Variants in GALNTL6 observed in about 807,000 individuals in gnomAD.
The protein encoded by GALNTL6 is polypeptide N-acetylgalactosaminyltransferase-like 6.
Under a neutral mutation model 73.7 loss-of-function variants are expected in GALNTL6, and 46 were observed. The ratio of observed to expected loss-of-function variants is 0.62; its 90% CI spans 0.49 to 0.80. The LOEUF (loss-of-function observed/expected upper bound fraction) is 0.80, where lower values mean the gene tolerates loss of function less well. Ranked by LOEUF, GALNTL6 falls within the 30% of genes least tolerant of loss-of-function variation. The probability of loss-of-function intolerance (pLI) is 0.00; values close to 1 mark genes in which losing one functional copy is unlikely to be tolerated. For missense variants in GALNTL6, 604 were observed against 755.0 expected, an observed-to-expected ratio of 0.80 and a Z score of 2.34; for synonymous variants, 259 against 263.7, an observed-to-expected ratio of 0.98 and a Z score of 0.17.
intron 8 of GALNTL6, among the ~76,000 whole-genome samples, chr4:172,912,944 C>T (rs1448205668): frequency 6.6e-6 from 1 of 152,180 alleles, no homozygotes; most frequent in Non-Finnish European, 1.5e-5. Flanking sequence ...CCCTGAGTAG[C>T]CTAACTGGGA....
At chr4:171,985,145 G>A (rs1355605345) in intron 2 of GALNTL6, among the ~76,000 whole-genome samples, 3 of 151,976 alleles carry the variant, frequency 2.0e-5, no homozygotes, top group South Asian at 2.1e-4. Flanking sequence ...TGTATTGAGT[G>A]TACTCATCTG....
chr4:172,380,006 C>T (rs1743220678), intron 5 of GALNTL6: 5 of 899,966 alleles, frequency 5.6e-6, no homozygotes, highest in Admixed American at 3.7e-5. Flanking sequence ...AGAAGTGATG[C>T]ATACTTGATG....
chr4:171,826,555 G>A (rs1734829549), intron 2 of GALNTL6, among the ~76,000 whole-genome samples: 1 of 151,958 alleles, frequency 6.6e-6, no homozygotes, highest in Admixed American at 6.6e-5. Context: ...CTGACTTTCC[G>A]TTTCTACCCA....
At chr4:172,872,957 C>T (rs1427003043) in intron 7 of GALNTL6, among the ~76,000 whole-genome samples, 1 of 152,232 alleles carries the variant, frequency 6.6e-6, no homozygotes, top group Non-Finnish European at 1.5e-5. Flanking sequence ...TAACGGGGCT[C>T]TGTGCTCTGG....
chr4:172,431,607 A>G (rs1050647056), intron 5 of GALNTL6, among the ~76,000 whole-genome samples: 3 of 152,152 alleles, frequency 2.0e-5, no homozygotes, highest in South Asian at 2.1e-4. Flanking sequence ...TTAATTGACT[A>G]ATGTTTAGAA....
intron 2 of GALNTL6, among the ~76,000 whole-genome samples, chr4:171,903,268 GC>G (rs778362331): frequency 2.6e-5 from 4 of 152,064 alleles, no homozygotes; most frequent in Non-Finnish European, 5.9e-5. Flanking sequence ...GACAGTGGGC[GC>G]AGGTCAGTGG....
chr4:171,870,767 G>T (rs995475158), intron 2 of GALNTL6, among the ~76,000 whole-genome samples: 3 of 152,282 alleles, frequency 2.0e-5, no homozygotes, highest in Middle Eastern at 3.4e-3. Flanking sequence ...ACATACTGGA[G>T]GGGAGGTCTA....
intron 3 of GALNTL6, among the ~76,000 whole-genome samples, chr4:172,276,420 T>G (rs991745865): frequency 1.3e-5 from 2 of 152,212 alleles, no homozygotes; most frequent in African/African-American, 4.8e-5. Flanking sequence ...ATTGCTTTTT[T>G]AGTATTTGAA....
At chr4:172,814,195 A>T (rs1473591268) in intron 7 of GALNTL6, among the ~76,000 whole-genome samples, 1 of 152,208 alleles carries the variant, frequency 6.6e-6, no homozygotes, top group Admixed American at 6.5e-5. Flanking sequence ...GCTCCTAAGC[A>T]GGTGTTCCCA....
chr4:172,101,766 A>C (rs988363126), intron 2 of GALNTL6, among the ~76,000 whole-genome samples: 1 of 152,202 alleles, frequency 6.6e-6, no homozygotes, highest in Admixed American at 6.5e-5. Context: ...TTCTAACTTA[A>C]ATTAACAATT....
intron 10 of GALNTL6, among the ~76,000 whole-genome samples, chr4:172,983,468 G>T (rs1159083378): frequency 1.3e-5 from 2 of 152,190 alleles, no homozygotes; most frequent in Admixed American, 6.5e-5. Context: ...GCCAAGGCAG[G>T]CAGATCATTT....
At chr4:172,985,906 A>G (rs749851430) in intron 10 of GALNTL6, among the ~76,000 whole-genome samples, 2 of 152,218 alleles carry the variant, frequency 1.3e-5, no homozygotes, top group Non-Finnish European at 2.9e-5. Context: ...CGTGACTCCT[A>G]AGCCATCATT....
chr4:172,298,619 G>A (rs977996088), intron 3 of GALNTL6, among the ~76,000 whole-genome samples: 1 of 152,198 alleles, frequency 6.6e-6, no homozygotes, highest in Admixed American at 6.5e-5. Flanking sequence ...CATCTATTGA[G>A]ATAATCATAT....
intron 5 of GALNTL6, among the ~76,000 whole-genome samples, chr4:172,514,834 G>T (rs1178029657): frequency 1.3e-5 from 2 of 151,950 alleles, no homozygotes. Context: ...ATTTATTTCA[G>T]CTCTAGGTAA....
intron 2 of GALNTL6, among the ~76,000 whole-genome samples, chr4:171,862,237 G>A (rs1735848998): frequency 6.6e-6 from 1 of 151,986 alleles, no homozygotes; most frequent in Non-Finnish European, 1.5e-5. Context: ...TCCATTATTA[G>A]CATATTCATA....
intron 7 of GALNTL6, among the ~76,000 whole-genome samples, chr4:172,858,865 G>C (rs1482602993): frequency 6.6e-6 from 1 of 151,600 alleles, no homozygotes; most frequent in Non-Finnish European, 1.5e-5. Flanking sequence ...TTGTAACAAA[G>C]ACAAATGAAA....
intron 5 of GALNTL6, among the ~76,000 whole-genome samples, chr4:172,403,374 T>C (rs763703956): frequency 2.0e-5 from 3 of 152,004 alleles, no homozygotes; most frequent in Non-Finnish European, 4.4e-5. Flanking sequence ...ATAAATGAGG[T>C]AGAACACAGG....
intron 10 of GALNTL6, among the ~76,000 whole-genome samples, chr4:172,970,897 G>A (rs1482293631): frequency 6.6e-6 from 1 of 152,218 alleles, no homozygotes; most frequent in Non-Finnish European, 1.5e-5. Context: ...TTAATTTGGG[G>A]AACTGATAAA....
At chr4:172,785,681 G>A (rs1440008549) in intron 5 of GALNTL6, among the ~76,000 whole-genome samples, 2 of 152,146 alleles carry the variant, frequency 1.3e-5, no homozygotes, top group Non-Finnish European at 1.5e-5. Context: ...GAGTGATGGG[G>A]AGATGGGGGT....
Sources: allele counts gnomAD v4.1 joint callset (sites outside exome capture counted in the v4.1 genomes callset), GRCh38; gene constraint gnomAD v4.1.1; transcripts MANE v1.5; gene names NCBI Gene and HGNC (gene_info 2026-07-23, HGNC 2026-07-21).